LRRTM4: variants seen among roughly 807,000 people sequenced by gnomAD.
The protein encoded by LRRTM4 is leucine-rich repeat transmembrane neuronal protein 4.
LRRTM4 carries 25 observed loss-of-function variants against 47.6 expected under a neutral mutation model. The observed-to-expected ratio is 0.53, with a 90% confidence interval of 0.38 to 0.73. The LOEUF is 0.73. Among genes scored for constraint, LRRTM4 ranks in the 30% least tolerant of loss-of-function variants. The probability of loss-of-function intolerance (pLI) is 0.00; values close to 1 mark genes in which losing one functional copy is unlikely to be tolerated. For synonymous variants in LRRTM4, 311 were observed against 269.5 expected (o/e 1.15, Z -1.51); for missense variants, 638 against 713.4 (o/e 0.89, Z 1.20).
intron 3 of LRRTM4, among the ~76,000 whole-genome samples, chr2:77,014,463 T>C (rs1677984630): frequency 6.6e-6 from 1 of 150,984 alleles, no homozygotes; most frequent in East Asian, 1.9e-4. Flanking sequence ...GATTGACTAT[T>C]CTCATAAAAA....
intron 3 of LRRTM4, among the ~76,000 whole-genome samples, chr2:77,398,327 G>T (rs555955388): frequency 1.3e-5 from 2 of 152,030 alleles, no homozygotes; most frequent in Non-Finnish European, 2.9e-5. Context: ...GACCAGATAC[G>T]TTTAGGATTT....
intron 3 of LRRTM4, among the ~76,000 whole-genome samples, chr2:76,752,613 A>G (rs1672890091): frequency 6.6e-6 from 1 of 151,856 alleles, no homozygotes; most frequent in Non-Finnish European, 1.5e-5. Flanking sequence ...AGTATCTGAA[A>G]TATTTGCTCT....
intron 3 of LRRTM4, among the ~76,000 whole-genome samples, chr2:77,459,823 C>A (rs890051052): frequency 6.7e-6 from 1 of 148,508 alleles, no homozygotes; most frequent in African/African-American, 2.4e-5. Context: ...ACAAACAACA[C>A]CTTACCATCA....
intron 3 of LRRTM4, among the ~76,000 whole-genome samples, chr2:77,371,929 CA>C (rs147852712): frequency 3.5e-3 from 525 of 151,800 alleles, no homozygotes; most frequent in African/African-American, 0.012. Flanking sequence ...GCAGAAGACA[CA>C]AAATTTATGG....
Position 76,748,658 on chromosome 2 carries a change from C to T in LRRTM4, c.*37G>A, listed in dbSNP as rs187916485. The T allele has an allele frequency of 3.9e-4, 555 of 1,420,296 alleles. 6 individuals are homozygous for T. In the African/African-American group the frequency reaches 7.1e-3, roughly 18 times the overall value. 88.0% of individuals were successfully genotyped at this position (1,420,296 alleles called of 1,614,324 possible). ...CTTTAAGATGAAGGCCCTCCCTCCC[C>T]CCCATGGAGCTCCCCAGTGAGGAGT... On this transcript the variant is annotated 3_prime_UTR_variant, in exon 4 of 4. Transcript: ENST00000409884.
In LRRTM4 at chr2:76,800,842, CACATGAA is replaced by C. The variant is rs542373227; in HGVS notation, c.1552-51933_1552-51927del. ...AGAAGACATTTATGCAGCCAAAAAA[CACATGAA>C]AAAATGCTCATCATCACTGGCCATC... On this transcript the variant is annotated intron_variant, in intron 3 of 3. Transcript: ENST00000409884. 5.4e-3 allele frequency among the ~76,000 whole-genome samples: 817 copies of C among 150,168 alleles called. 9 individuals are homozygous for C. Among genetic ancestry groups the C allele is most frequent in the African/African-American group, 0.018 (750 of 41,050 alleles).
intron 3 of LRRTM4, among the ~76,000 whole-genome samples, chr2:77,336,420 G>A (rs1372415418): frequency 1.3e-5 from 2 of 152,002 alleles, no homozygotes; most frequent in Non-Finnish European, 2.9e-5. Context: ...TAGTTTTAAA[G>A]GAAACTACAG....
At chr2:77,205,594 G>A (rs551238149) in intron 3 of LRRTM4, among the ~76,000 whole-genome samples, 3 of 152,260 alleles carry the variant, frequency 2.0e-5, no homozygotes, top group Admixed American at 6.6e-5. Flanking sequence ...AAGAGGAAGA[G>A]GGAGAATGGA....
chr2:77,001,168 T>C (rs1477146904), intron 3 of LRRTM4, among the ~76,000 whole-genome samples: 1 of 152,154 alleles, frequency 6.6e-6, no homozygotes, highest in African/African-American at 2.4e-5. Flanking sequence ...GTAGCTGTCA[T>C]CTCAGCAGCT....
intron 3 of LRRTM4, among the ~76,000 whole-genome samples, chr2:77,123,738 T>TA (rs1671579285): frequency 6.6e-6 from 1 of 152,134 alleles, no homozygotes. Context: ...TATTAATGCA[T>TA]ATTGGATGGC....
chr2:77,378,068 C>T (rs890009286), intron 3 of LRRTM4, among the ~76,000 whole-genome samples: 19 of 151,980 alleles, frequency 1.3e-4, no homozygotes, highest in African/African-American at 4.6e-4. Context: ...TAATTATTCA[C>T]AATACTATTT....
At chr2:76,961,828 TA>T (rs1675871028) in intron 3 of LRRTM4, among the ~76,000 whole-genome samples, 1 of 151,306 alleles carries the variant, frequency 6.6e-6, no homozygotes, top group African/African-American at 2.4e-5. Flanking sequence ...TTCAATAATA[TA>T]CTCTAAAATT....
At chr2:76,941,235 A>C (rs1341456497) in intron 3 of LRRTM4, among the ~76,000 whole-genome samples, 1 of 152,176 alleles carries the variant, frequency 6.6e-6, no homozygotes. Context: ...GGATGCACAC[A>C]TATTATATTT....
rs200171781 is a variant in LRRTM4 at position 77,520,944 on chromosome 2, C to CT, written c.4+723dup. On this transcript the variant is annotated intron_variant, in intron 2 of 3. Coordinates refer to ENST00000409884, the MANE Select transcript of LRRTM4 (RefSeq NM_001134745.3). ...AAACAACTACCATGTGTTGCAGTTT[C>CT]TTTTTTTTTCTTAAATTTTTAAATT... 4.9e-4 allele frequency among the ~76,000 whole-genome samples: 74 copies of CT among 151,290 alleles called. 1 individual carries two copies. The highest frequency in any genetic ancestry group is 3.4e-3 in the Middle Eastern group (1 of 292).
At chr2:77,111,929 T>A (rs1201834319) in intron 3 of LRRTM4, among the ~76,000 whole-genome samples, 2 of 152,188 alleles carry the variant, frequency 1.3e-5, no homozygotes, top group Non-Finnish European at 2.9e-5. Flanking sequence ...GTGTGCATAG[T>A]ATACATAGAA....
chr2:77,291,683 G>T (rs928266473), intron 3 of LRRTM4, among the ~76,000 whole-genome samples: 1 of 151,946 alleles, frequency 6.6e-6, no homozygotes, highest in African/African-American at 2.4e-5. Context: ...TTATATTTTA[G>T]CACCATGGTC....
intron 3 of LRRTM4, among the ~76,000 whole-genome samples, chr2:77,465,220 A>G (rs1296684707): frequency 6.6e-6 from 1 of 152,188 alleles, no homozygotes; most frequent in East Asian, 1.9e-4. Flanking sequence ...ATCTATTAAA[A>G]TAGTGACTGA....
At chr2:77,403,275 A>G (rs1224120890) in intron 3 of LRRTM4, among the ~76,000 whole-genome samples, 2 of 151,980 alleles carry the variant, frequency 1.3e-5, no homozygotes, top group Non-Finnish European at 2.9e-5. Flanking sequence ...AGAAAAATCC[A>G]AAATATTTCA....
At chr2:77,275,905 A>G (rs374617921) in intron 3 of LRRTM4, among the ~76,000 whole-genome samples, 51 of 152,220 alleles carry the variant, frequency 3.4e-4, no homozygotes, top group African/African-American at 1.2e-3. Context: ...AATTTTTATG[A>G]TGAGCTTGTA....
Sources: allele counts gnomAD v4.1 joint callset (sites outside exome capture counted in the v4.1 genomes callset), GRCh38; gene constraint gnomAD v4.1.1; transcripts MANE v1.5; gene names NCBI Gene and HGNC (gene_info 2026-07-23, HGNC 2026-07-21).